GABRG2: variants seen among roughly 807,000 people sequenced by gnomAD.
GABRG2 encodes the protein gamma-aminobutyric acid receptor subunit gamma-2.
GABRG2 carries 16 observed loss-of-function variants against 56.4 expected under a neutral mutation model. The observed-to-expected ratio is 0.28, with a 90% CI of 0.19 to 0.43. The LOEUF (loss-of-function observed/expected upper bound fraction) is 0.43, where lower values mean the gene tolerates loss of function less well. Ranked by LOEUF, GABRG2 falls within the 20% of genes least tolerant of loss-of-function variation. The probability of loss-of-function intolerance (pLI) is 1.00; values close to 1 mark genes in which losing one functional copy is unlikely to be tolerated. For synonymous variants in GABRG2, 208 were observed against 205.5 expected (o/e 1.01, Z -0.10); for missense variants, 327 against 582.7 (o/e 0.56, Z 4.52).
intron 8 of GABRG2, 27 bp downstream of exon 8, chr5:162,149,340 T>C (rs1765194671): frequency 5.0e-6 from 8 of 1,607,858 alleles, no homozygotes; most frequent in South Asian, 1.1e-5. Flanking sequence ...ATTGGCACCA[T>C]TGAAATTTTT....
At chr5:162,151,936 G>T in intron 9 of GABRG2, 183 bp downstream of exon 9, 1 of 529,788 alleles carries the variant, frequency 1.9e-6, no homozygotes, top group Non-Finnish European at 3.3e-6. Context: ...ATTCACATAG[G>T]TTTTAATCTT....
chr5:162,104,001 C>T lies in GABRG2; in HGVS notation c.744C>T (p.Thr248=), dbSNP rs760916801. The part of the protein sequence containing the change: ...YQFSFVGLRN[T]TEVVKTTSGD... ...TCTCATTTGTTGGTCTAAGAAATAC[C>T]ACCGAAGTAGTGAAGACAACTTCCG... The change falls in exon 6 of 10, where the codon ACC becomes ACT. Residue 248 remains threonine (T), a synonymous_variant. Coordinates refer to ENST00000639213, the MANE Select transcript of GABRG2 (RefSeq NM_198904.4). 9 of 1,613,778 alleles carry T rather than the reference C, an allele frequency of 5.6e-6. No homozygotes were observed. In the South Asian group the frequency reaches 8.8e-5, roughly 16 times the overall value.
At chr5:162,146,579 A>G (rs973586847) in intron 7 of GABRG2, among the ~76,000 whole-genome samples, 17 of 151,468 alleles carry the variant, frequency 1.1e-4, no homozygotes, top group Non-Finnish European at 1.6e-4. Flanking sequence ...TCATGTATAT[A>G]CTATGCATTG....
intron 6 of GABRG2, among the ~76,000 whole-genome samples, chr5:162,138,023 G>A (rs1159334976): frequency 6.6e-6 from 1 of 151,784 alleles, no homozygotes; most frequent in African/African-American, 2.4e-5. Flanking sequence ...TGCTCCCCAA[G>A]TGAGGGGATT....
At chr5:162,109,511 A>G (rs975792164) in intron 6 of GABRG2, among the ~76,000 whole-genome samples, 8 of 150,274 alleles carry the variant, frequency 5.3e-5, no homozygotes, top group Non-Finnish European at 1.2e-4. Flanking sequence ...TTACTCCACT[A>G]CATAAGCTTC....
chr5:162,078,392 TA>T (rs1270669474), intron 1 of GABRG2, among the ~76,000 whole-genome samples: 4,739 of 36,668 alleles, frequency 0.13, 273 homozygotes, highest in Non-Finnish European at 0.16. Context: ...TATATATATA[TA>T]TATATTTTTT....
In GABRG2 at chr5:162,154,294, C is replaced by T. The variant is rs1033466670; in HGVS notation, c.*926C>T. ...GATAGATCATAACAGAACTTATTCT[C>T]CATCTCAAGATCTGCTTCTAGTGAT... is the stretch of plus-strand genomic sequence containing the variant. On this transcript the variant is annotated 3_prime_UTR_variant, in exon 10 of 10. Transcript: ENST00000639213. The T allele has an allele frequency of 6.6e-6, 1 of 152,140 alleles. No homozygotes were observed. Among genetic ancestry groups the T allele is most frequent in the African/African-American group, 2.4e-5 (1 of 41,448 alleles). 9.4% of individuals were successfully genotyped at this position (152,140 alleles called of 1,614,324 possible). A position where few individuals can be genotyped will look rare whatever the true frequency, so the allele number is the denominator to read the frequency against.
chr5:162,083,733 A>G (rs1759839149), intron 1 of GABRG2: 4 of 152,830 alleles, frequency 2.6e-5, no homozygotes. Flanking sequence ...TATCAGCATT[A>G]TACTTTGTAC....
At chr5:162,098,818 A>G (rs1204169097) in intron 4 of GABRG2, 1 of 152,090 alleles carries the variant, frequency 6.6e-6, no homozygotes, top group East Asian at 1.9e-4. Context: ...GAAAGAAAGC[A>G]CAACCATGCT....
intron 6 of GABRG2, among the ~76,000 whole-genome samples, chr5:162,133,704 T>C (rs1356140890): frequency 6.6e-6 from 1 of 152,112 alleles, no homozygotes. Flanking sequence ...GCTAGGCATC[T>C]GTGGTAGCTT....
At chr5:162,082,157 A>ATT (rs1468243762) in intron 1 of GABRG2, among the ~76,000 whole-genome samples, 7 of 151,844 alleles carry the variant, frequency 4.6e-5, no homozygotes, top group African/African-American at 1.7e-4. Flanking sequence ...TATTAGAAAG[A>ATT]CTAGAGAAAG....
intron 6 of GABRG2, among the ~76,000 whole-genome samples, chr5:162,108,797 A>T (rs1687468910): frequency 6.6e-6 from 1 of 152,182 alleles, no homozygotes; most frequent in South Asian, 2.1e-4. Flanking sequence ...TACTGTTATT[A>T]TCACTATCAT....
chr5:162,152,041 T>A (rs1402043530), intron 9 of GABRG2: 9 of 336,724 alleles, frequency 2.7e-5, no homozygotes, highest in Non-Finnish European at 2.7e-5. Flanking sequence ...TCTTTTCAGA[T>A]GAAAATGGGA....
intron 6 of GABRG2, among the ~76,000 whole-genome samples, chr5:162,115,944 C>A (rs1030035878): frequency 3.9e-5 from 6 of 152,074 alleles, no homozygotes; most frequent in Non-Finnish European, 7.4e-5. Context: ...ATATGATGCT[C>A]ATTTTCCAGA....
intron 8 of GABRG2, 43 bp from the exon 9 acceptor site, chr5:162,151,686 AT>A (rs1765382799): frequency 2.0e-6 from 3 of 1,493,602 alleles, no homozygotes; most frequent in African/African-American, 2.9e-5. Context: ...TCTCCTTTTT[AT>A]TAAAAACAAA....
At chr5:162,094,052 C>A in intron 2 of GABRG2, 73 bp downstream of exon 2, 1 of 1,475,402 alleles carries the variant, frequency 6.8e-7, no homozygotes, top group Non-Finnish European at 9.5e-7. Flanking sequence ...GATAAAACAT[C>A]AGTGTAGTTC....
chr5:162,096,712 G>C (rs963995366), intron 3 of GABRG2, among the ~76,000 whole-genome samples: 3 of 151,678 alleles, frequency 2.0e-5, no homozygotes, highest in Non-Finnish European at 2.9e-5. Flanking sequence ...AAAGACTCAG[G>C]CCTAATGGTC....
In GABRG2 at chr5:162,105,522, C is replaced by T. The variant is rs572275314; in HGVS notation, c.769+1496C>T. On this transcript the variant is annotated intron_variant, in intron 6 of 9. Coordinates refer to ENST00000639213, the MANE Select transcript of GABRG2 (RefSeq NM_198904.4). ...TCTGCTCACTGCAAGCTCTGCCTCC[C>T]GAGTTCATGCCATTCTCCTGCCTCA... 4.1e-5 allele frequency among the ~76,000 whole-genome samples: 6 copies of T among 145,710 alleles called. No homozygotes were observed. In the East Asian group the frequency reaches 8.4e-4, roughly 20 times the overall value.
chr5:162,109,420 A>ATATATATATATATATATT (rs1424412323), intron 6 of GABRG2, among the ~76,000 whole-genome samples: 3 of 116,122 alleles, frequency 2.6e-5, no homozygotes, highest in African/African-American at 9.7e-5. Context: ...ATATATATAT[A>ATATATATATATATATATT]TATTTATTTA....
Sources: gnomAD v4.1 joint callset for allele counts (sites outside exome capture counted in the v4.1 genomes callset) on GRCh38, gnomAD v4.1.1 for gene constraint, MANE v1.5 for transcripts, NCBI Gene and HGNC (gene_info 2026-07-23, HGNC 2026-07-21) for gene names.